Variants in SCFD2 observed in about 807,000 individuals in gnomAD.
SCFD2 encodes sec1 family domain-containing protein 2.
A neutral mutation model predicts 58.9 loss-of-function variants in SCFD2; 54 were observed. The ratio of observed to expected loss-of-function variants is 0.92; its 90% CI spans 0.74 to 1.15. The LOEUF is 1.15. Among genes scored for constraint, SCFD2 ranks in the 50% most tolerant of loss-of-function variants. The pLI, the probability that SCFD2 is intolerant of heterozygous loss-of-function variation, is 0.00. For synonymous variants in SCFD2, 321 were observed against 335.9 expected (o/e 0.96, Z 0.49); for missense variants, 805 against 836.6 (o/e 0.96, Z 0.47).
At chr4:53,238,756 G>A (rs1475414964) in intron 4 of SCFD2, among the ~76,000 whole-genome samples, 2 of 149,862 alleles carry the variant, frequency 1.3e-5, no homozygotes, top group Admixed American at 1.3e-4. Context: ...CCACATCTCA[G>A]ACGATGGGCG....
At chr4:53,147,921 A>G (rs1013498794) in intron 4 of SCFD2, among the ~76,000 whole-genome samples, 5 of 152,200 alleles carry the variant, frequency 3.3e-5, no homozygotes, top group African/African-American at 1.2e-4. Flanking sequence ...AGGAACTCTC[A>G]AGTGTTTCTT....
At chr4:53,359,877 T>G (rs373288513) in intron 1 of SCFD2, among the ~76,000 whole-genome samples, 2 of 152,252 alleles carry the variant, frequency 1.3e-5, no homozygotes, top group East Asian at 3.9e-4. Flanking sequence ...ACTACCTCAT[T>G]CAATGTGGGG....
chr4:53,291,922 C>A (rs1040061467), intron 3 of SCFD2, among the ~76,000 whole-genome samples: 4 of 151,906 alleles, frequency 2.6e-5, no homozygotes, highest in African/African-American at 9.7e-5. Flanking sequence ...AACTGGCTAG[C>A]CATATGCAGA....
rs3987774 is a variant in SCFD2 at position 53,012,836 on chromosome 4, G to GTTT, written c.1562-91969_1562-91967dup. The stretch of plus-strand genomic sequence containing the variant: ...TTTCTGTGTGTGTGTGTGTGTGTGT[G>GTTT]TTTTTTTTTAAGAGAGAGAAAGCTA... On this transcript the variant is annotated intron_variant, in intron 5 of 8. Coordinates refer to ENST00000401642, the MANE Select transcript of SCFD2 (RefSeq NM_152540.4). Among the ~76,000 whole-genome samples, 242 of 145,112 alleles carry GTTT rather than the reference G, an allele frequency of 1.7e-3. 2 individuals carry two copies. The highest frequency in any genetic ancestry group is 4.1e-3 in the African/African-American group (163 of 39,652).
At chr4:53,240,082 G>T (rs891787635) in intron 4 of SCFD2, among the ~76,000 whole-genome samples, 3 of 152,274 alleles carry the variant, frequency 2.0e-5, no homozygotes, top group Admixed American at 6.5e-5. Flanking sequence ...TACAACAAGT[G>T]AACAACTTTT....
chr4:53,351,037 T>C (rs1734204031), intron 2 of SCFD2, among the ~76,000 whole-genome samples: 1 of 152,220 alleles, frequency 6.6e-6, no homozygotes, highest in Admixed American at 6.5e-5. Context: ...GACTCATTTC[T>C]AGCTCTACCT....
In SCFD2 at chr4:53,326,363, G is replaced by A. The variant is rs765047646; in HGVS notation, c.1008-12600C>T. Among the ~76,000 whole-genome samples the A allele has an allele frequency of 8.5e-5, 13 of 152,160 alleles. No homozygotes were observed. In the South Asian group the frequency reaches 1.0e-3, roughly 12 times the overall value. ...TCACCGTGTTGCCTAGCCTGGTCTC[G>A]AACTCCTGGGCTCAAGTGATCCACC... On this transcript the variant is annotated intron_variant, in intron 2 of 8. Coordinates refer to ENST00000401642, the MANE Select transcript of SCFD2 (RefSeq NM_152540.4).
intron 5 of SCFD2, among the ~76,000 whole-genome samples, chr4:53,020,322 G>A (rs1722315844): frequency 6.6e-6 from 1 of 152,196 alleles, no homozygotes; most frequent in East Asian, 1.9e-4. Flanking sequence ...TGGAAAGCCA[G>A]TTTACACACA....
In SCFD2 at chr4:53,304,502, A is replaced by C. The variant is rs184639524; in HGVS notation, c.1135+9134T>G. Among the ~76,000 whole-genome samples, 9 of 151,880 alleles carry C rather than the reference A, an allele frequency of 5.9e-5. No individual in the cohort carries two copies. In the East Asian group the frequency reaches 1.8e-3, roughly 30 times the overall value. On this transcript the variant is annotated intron_variant, in intron 3 of 8. Transcript: ENST00000401642. ...GTTTGCTCTTTTTGTATAGTGCCACATTTCTTGGAGGCTTTGTTTCTTTTC... is the reference window on the plus strand; with the variant it reads ...GTTTGCTCTTTTTGTATAGTGCCACCTTTCTTGGAGGCTTTGTTTCTTTTC...
intron 8 of SCFD2, among the ~76,000 whole-genome samples, chr4:52,883,888 C>T (rs1485564042): frequency 6.6e-6 from 1 of 152,184 alleles, no homozygotes; most frequent in African/African-American, 2.4e-5. Flanking sequence ...TAGTCAAAAA[C>T]TGGCCACTCC....
intron 2 of SCFD2, among the ~76,000 whole-genome samples, chr4:53,347,611 AGT>A (rs1262853738): frequency 6.6e-6 from 1 of 152,212 alleles, no homozygotes; most frequent in East Asian, 1.9e-4. Context: ...AATGGTGCCA[AGT>A]GTGTATCTGC....
chr4:52,917,371 C>A (rs541503912), intron 6 of SCFD2, among the ~76,000 whole-genome samples: 7 of 152,266 alleles, frequency 4.6e-5, no homozygotes, highest in Admixed American at 3.3e-4. Context: ...GGGCTATGAA[C>A]CCCGATGCTA....
At chr4:52,977,179 T>C (rs1181625730) in intron 5 of SCFD2, among the ~76,000 whole-genome samples, 1 of 152,144 alleles carries the variant, frequency 6.6e-6, no homozygotes, top group Non-Finnish European at 1.5e-5. Flanking sequence ...GTGGAGAGAA[T>C]ATTAAGAAGT....
intron 4 of SCFD2, among the ~76,000 whole-genome samples, chr4:53,186,847 C>G (rs1727751258): frequency 1.3e-5 from 2 of 151,882 alleles, no homozygotes; most frequent in Non-Finnish European, 1.5e-5. Flanking sequence ...GTTTATTCAA[C>G]CGTAAAATGG....
intron 7 of SCFD2, among the ~76,000 whole-genome samples, chr4:52,901,986 C>G (rs1256804300): frequency 6.6e-6 from 1 of 152,222 alleles, no homozygotes; most frequent in Non-Finnish European, 1.5e-5. Flanking sequence ...TGAGCCATTT[C>G]CAAGTACCTG....
chr4:53,329,444 C>T lies in SCFD2; in HGVS notation c.1008-15681G>A, dbSNP rs1179194754. Among the ~76,000 whole-genome samples the T allele has an allele frequency of 5.9e-5, 9 of 151,658 alleles. No individual in the cohort carries two copies. The East Asian group carries it at 9.7e-4, about 16-fold the overall frequency. On this transcript the variant is annotated intron_variant, in intron 2 of 8. Coordinates refer to ENST00000401642, the MANE Select transcript of SCFD2 (RefSeq NM_152540.4). The stretch of plus-strand genomic sequence containing the variant: ...TCAAGTGGGTCCCTGACCCCTGACC[C>T]CCGAGCAGCCTAACTGGGAGGCACC...
At chr4:53,177,212 G>A (rs2148942761) in intron 4 of SCFD2, among the ~76,000 whole-genome samples, 1 of 152,310 alleles carries the variant, frequency 6.6e-6, no homozygotes, top group South Asian at 2.1e-4. Flanking sequence ...TTAGAGTCTA[G>A]TGGGGGATAG....
intron 1 of SCFD2, among the ~76,000 whole-genome samples, chr4:53,359,184 A>G (rs1734483143): frequency 6.6e-6 from 1 of 152,232 alleles, no homozygotes; most frequent in African/African-American, 2.4e-5. Context: ...GATGTTAACA[A>G]TGTCAAGTAC....
chr4:53,183,381 C>T (rs148565664), intron 4 of SCFD2, among the ~76,000 whole-genome samples: 3,208 of 152,060 alleles, frequency 0.021, 124 homozygotes, highest in African/African-American at 0.073. Flanking sequence ...AAACCATCAT[C>T]CTCAGCAAAC....
Sources: allele counts gnomAD v4.1 joint callset (sites outside exome capture counted in the v4.1 genomes callset), GRCh38; gene constraint gnomAD v4.1.1; transcripts MANE v1.5; gene names NCBI Gene and HGNC (gene_info 2026-07-23, HGNC 2026-07-21).